Variants in AGBL4 observed in about 807,000 individuals in gnomAD.
AGBL4 encodes the protein cytosolic carboxypeptidase 6.
AGBL4 carries 58 observed loss-of-function variants against 66.4 expected under a neutral mutation model. The ratio of observed to expected loss-of-function variants is 0.87; its 90% CI spans 0.71 to 1.09. AGBL4 has a LOEUF of 1.09. Among genes scored for constraint, AGBL4 ranks in the 50% least tolerant of loss-of-function variants. The pLI, the probability that AGBL4 is intolerant of heterozygous loss-of-function variation, is 0.00. For synonymous variants in AGBL4, 234 were observed against 222.9 expected (o/e 1.05, Z -0.44); for missense variants, 579 against 631.0 (o/e 0.92, Z 0.88).
intron 7 of AGBL4, 73 bp from the exon 8 acceptor site, chr1:48,653,524 GA>G (rs2148442934): frequency 8.3e-7 from 1 of 1,209,206 alleles, no homozygotes; most frequent in East Asian, 2.5e-5. Flanking sequence ...TCTCAGCTTG[GA>G]AAACAAGAAG....
intron 6 of AGBL4, among the ~76,000 whole-genome samples, chr1:48,732,477 G>C (rs1648297773): frequency 6.6e-6 from 1 of 151,676 alleles, no homozygotes; most frequent in Non-Finnish European, 1.5e-5. Context: ...AAATTAACAA[G>C]TAAAAAAAGT....
chr1:49,460,572 G>A (rs1241871667), intron 3 of AGBL4, among the ~76,000 whole-genome samples: 1 of 151,640 alleles, frequency 6.6e-6, no homozygotes, highest in Non-Finnish European at 1.5e-5. Context: ...TTTAATTGAA[G>A]CATGTAGGCC....
intron 3 of AGBL4, among the ~76,000 whole-genome samples, chr1:49,650,459 C>T (rs1166075733): frequency 6.6e-6 from 1 of 152,202 alleles, no homozygotes. Flanking sequence ...AACTCAGAAA[C>T]TTCCTAGGGA....
At chr1:49,132,632 C>T (rs530040842) in intron 4 of AGBL4, among the ~76,000 whole-genome samples, 12 of 152,110 alleles carry the variant, frequency 7.9e-5, no homozygotes, top group African/African-American at 2.4e-4. Flanking sequence ...TGATACAGAT[C>T]GAGCAGGGTA....
In AGBL4 at chr1:49,999,997, AGACATTGGCTTAGACAAAGACCTCAT is replaced by A. The variant is rs1660631195; in HGVS notation, c.34+23740_34+23765del. Reference sequence around the variant, plus strand: ...AAGATAACATCAGAAAAACCCTTCTAGACATTGGCTTAGACAAAGACCTCATGACCAAGGATCCAAAAGCAAATGCA... The same window carrying A: ...AAGATAACATCAGAAAAACCCTTCTAGACCAAGGATCCAAAAGCAAATGCA... On this transcript the variant is annotated intron_variant, in intron 1 of 13. Transcript: ENST00000371839. Among the ~76,000 whole-genome samples the A allele has an allele frequency of 2.0e-5, 3 of 152,154 alleles. No homozygotes were observed. In the South Asian group the frequency reaches 6.2e-4, roughly 32 times the overall value.
At chr1:49,009,093 G>GT (rs35719379) in intron 5 of AGBL4, among the ~76,000 whole-genome samples, 52 of 150,234 alleles carry the variant, frequency 3.5e-4, no homozygotes, top group African/African-American at 1.2e-3. Context: ...CCAGGAGCTG[G>GT]TTTTTTGAAA....
chr1:49,504,808 G>T (rs1648526219), intron 3 of AGBL4, among the ~76,000 whole-genome samples: 1 of 151,818 alleles, frequency 6.6e-6, no homozygotes, highest in Non-Finnish European at 1.5e-5. Context: ...GCATGCTATG[G>T]CTTTTGATTG....
intron 3 of AGBL4, among the ~76,000 whole-genome samples, chr1:49,692,347 T>C (rs1023877033): frequency 6.6e-6 from 1 of 152,152 alleles, no homozygotes; most frequent in African/African-American, 2.4e-5. Flanking sequence ...TGTGATATGC[T>C]GCCTTTGTGG....
intron 1 of AGBL4, among the ~76,000 whole-genome samples, chr1:49,880,579 C>T (rs896625088): frequency 3.0e-4 from 45 of 151,480 alleles, no homozygotes; most frequent in Non-Finnish European, 5.3e-4. Flanking sequence ...CAGACAGGGA[C>T]ATTTAAGTCT....
intron 9 of AGBL4, among the ~76,000 whole-genome samples, chr1:48,629,873 A>T (rs1476872883): frequency 6.6e-6 from 1 of 152,126 alleles, no homozygotes; most frequent in African/African-American, 2.4e-5. Flanking sequence ...GAGAGATAAG[A>T]TTGGGGAGGG....
At chr1:49,850,592 C>A (rs1164181042) in intron 2 of AGBL4, among the ~76,000 whole-genome samples, 1 of 152,028 alleles carries the variant, frequency 6.6e-6, no homozygotes, top group Admixed American at 6.5e-5. Context: ...CCTGCATAAA[C>A]AAATTTTCAA....
At chr1:48,523,858 C>T in the AGBL4 span, among the ~76,000 whole-genome samples, 4 of 152,232 alleles carry the variant, frequency 2.6e-5, no homozygotes, top group South Asian at 2.1e-4. Flanking sequence ...TACACCTAGG[C>T]TACATGGTAC....
chr1:50,007,657 C>T (rs1557656381), intron 1 of AGBL4, among the ~76,000 whole-genome samples: 1 of 152,086 alleles, frequency 6.6e-6, no homozygotes, highest in Non-Finnish European at 1.5e-5. Context: ...ATCCCAGATA[C>T]TCAGGAGGCT....
intron 1 of AGBL4, among the ~76,000 whole-genome samples, chr1:49,888,905 T>C (rs908829865): frequency 2.0e-5 from 3 of 152,208 alleles, no homozygotes; most frequent in African/African-American, 7.2e-5. Context: ...ATGTACTATA[T>C]GTTCAGCTAG....
intron 6 of AGBL4, among the ~76,000 whole-genome samples, chr1:48,858,448 T>C (rs954916666): frequency 6.6e-6 from 1 of 152,118 alleles, no homozygotes; most frequent in Non-Finnish European, 1.5e-5. Context: ...AACAGATGAA[T>C]GAAAAAATAA....
chr1:49,476,541 T>C (rs1198880544), intron 3 of AGBL4, among the ~76,000 whole-genome samples: 2 of 152,022 alleles, frequency 1.3e-5, no homozygotes, highest in Non-Finnish European at 2.9e-5. Context: ...CTGTCAATAT[T>C]TTTTCTTAGG....
At chr1:48,855,326 A>G (rs965596951) in intron 6 of AGBL4, among the ~76,000 whole-genome samples, 9 of 152,206 alleles carry the variant, frequency 5.9e-5, no homozygotes, top group Non-Finnish European at 1.3e-4. Flanking sequence ...CATCTTTCAT[A>G]GATTTCTCAG....
At position 49,939,839 on chromosome 1, in the gene AGBL4, A is replaced by T. The variant is rs1489665628; in HGVS notation, c.34+83924T>A. ...CCAAAAGCAATGGCAACAAAAGCCA[A>T]AATTGACAAATGGGATCTAATTAAA... On this transcript the variant is annotated intron_variant, in intron 1 of 13. Coordinates refer to ENST00000371839, the MANE Select transcript of AGBL4 (RefSeq NM_032785.4). Among the ~76,000 whole-genome samples, 4 of 152,236 alleles carry T rather than the reference A, an allele frequency of 2.6e-5. No homozygotes were observed. In the East Asian group the frequency reaches 7.7e-4, roughly 29 times the overall value.
At chr1:48,622,673 G>A (rs985906492) in intron 9 of AGBL4, among the ~76,000 whole-genome samples, 10 of 151,976 alleles carry the variant, frequency 6.6e-5, no homozygotes, top group African/African-American at 2.4e-4. Context: ...TAGTAGAGAT[G>A]TGGTTTCACC....
Sources: gnomAD v4.1 joint callset for allele counts (sites outside exome capture counted in the v4.1 genomes callset) on GRCh38, gnomAD v4.1.1 for gene constraint, MANE v1.5 for transcripts, NCBI Gene and HGNC (gene_info 2026-07-23, HGNC 2026-07-21) for gene names.